The following AUTS2 variants were observed in gnomAD, a reference collection of about 807,000 sequenced individuals.
The protein encoded by AUTS2 is autism susceptibility gene 2 protein.
Under a neutral mutation model 112.4 loss-of-function variants are expected in AUTS2, and 17 were observed. The observed-to-expected ratio is 0.15, with a 90% CI of 0.10 to 0.23. The LOEUF (loss-of-function observed/expected upper bound fraction) is 0.23, where lower values mean the gene tolerates loss of function less well. AUTS2 is among the 10% of genes least tolerant of loss of function. The probability of loss-of-function intolerance (pLI) is 1.00; values close to 1 mark genes in which losing one functional copy is unlikely to be tolerated. For synonymous variants in AUTS2, 751 were observed against 702.7 expected, an observed-to-expected ratio of 1.07 and a Z score of -1.09; for missense variants, 1,510 against 1,701.6, an observed-to-expected ratio of 0.89 and a Z score of 1.98.
At chr7:70,727,788 C>T (rs1787124789) in intron 6 of AUTS2, among the ~76,000 whole-genome samples, 2 of 152,182 alleles carry the variant, frequency 1.3e-5, no homozygotes, top group Non-Finnish European at 2.9e-5. Flanking sequence ...CCTGACCTAA[C>T]AAGTTAAAAT....
intron 4 of AUTS2, among the ~76,000 whole-genome samples, chr7:70,179,112 C>T (rs1425165611): frequency 6.6e-6 from 1 of 151,496 alleles, no homozygotes; most frequent in Admixed American, 6.6e-5. Flanking sequence ...TCTCCATCTC[C>T]CTGTGGCATT....
rs543742759 is a variant in AUTS2 at position 69,631,373 on chromosome 7, A to C, written c.309+31411A>C. Among the ~76,000 whole-genome samples the C allele has an allele frequency of 7.2e-5, 11 of 152,314 alleles. No individual in the cohort carries two copies. The East Asian group carries it at 1.9e-3, about 27-fold the overall frequency. On this transcript the variant is annotated intron_variant, in intron 1 of 18. Coordinates refer to ENST00000342771, the MANE Select transcript of AUTS2 (RefSeq NM_015570.4). Reference sequence around the variant, plus strand: ...GAGGACTGTACCTGTTTTCTGTCCTACTTAAAATATTTAAAAAGAAGAAAA... The same window carrying C: ...GAGGACTGTACCTGTTTTCTGTCCTCCTTAAAATATTTAAAAAGAAGAAAA...
intron 4 of AUTS2, among the ~76,000 whole-genome samples, chr7:70,243,942 C>G (rs775562265): frequency 2.6e-5 from 4 of 151,132 alleles, no homozygotes; most frequent in Non-Finnish European, 5.9e-5. Flanking sequence ...ATTACTATAA[C>G]TATAATAGTA....
At chr7:69,955,741 G>A (rs1208031044) in intron 2 of AUTS2, among the ~76,000 whole-genome samples, 2 of 152,114 alleles carry the variant, frequency 1.3e-5, no homozygotes, top group East Asian at 3.9e-4. Context: ...TCCGTGGCAT[G>A]GGCAGGGGGC....
chr7:70,625,070 C>T (rs1350172209), intron 5 of AUTS2, among the ~76,000 whole-genome samples: 3 of 152,052 alleles, frequency 2.0e-5, no homozygotes, highest in Non-Finnish European at 4.4e-5. Flanking sequence ...TCTCTGTGGT[C>T]CTTGGCTTAT....
chr7:69,750,944 A>G (rs907298463), intron 1 of AUTS2, among the ~76,000 whole-genome samples: 3 of 152,096 alleles, frequency 2.0e-5, no homozygotes, highest in East Asian at 1.9e-4. Flanking sequence ...CATCAGAGGT[A>G]TGGAAGAAGA....
intron 5 of AUTS2, among the ~76,000 whole-genome samples, chr7:70,536,571 G>GA (rs1800325804): frequency 2.5e-5 from 2 of 79,656 alleles, no homozygotes; most frequent in Non-Finnish European, 2.5e-5. Flanking sequence ...AGAAGCCAAG[G>GA]CTTTTTTTTT....
intron 1 of AUTS2, among the ~76,000 whole-genome samples, chr7:69,629,353 A>G (rs1457087973): frequency 1.3e-5 from 2 of 152,206 alleles, no homozygotes; most frequent in Non-Finnish European, 2.9e-5. Context: ...TGTTTTGAAC[A>G]TAATGCTTAT....
At chr7:70,070,199 T>G (rs1488986471) in intron 2 of AUTS2, among the ~76,000 whole-genome samples, 1 of 152,002 alleles carries the variant, frequency 6.6e-6, no homozygotes, top group Non-Finnish European at 1.5e-5. Flanking sequence ...GAGATTTGGG[T>G]TGCTTGTACT....
intron 1 of AUTS2, among the ~76,000 whole-genome samples, chr7:69,749,945 T>A (rs1787664664): frequency 6.6e-6 from 1 of 152,168 alleles, no homozygotes; most frequent in Non-Finnish European, 1.5e-5. Context: ...ATTCTTTGAA[T>A]TGGGCTGTAG....
intron 3 of AUTS2, among the ~76,000 whole-genome samples, chr7:70,131,726 A>G (rs1200978125): frequency 6.6e-6 from 1 of 152,068 alleles, no homozygotes; most frequent in Non-Finnish European, 1.5e-5. Flanking sequence ...TTTAGATTAT[A>G]AATATATGAC....
intron 4 of AUTS2, among the ~76,000 whole-genome samples, chr7:70,299,856 A>T (rs987609895): frequency 6.0e-5 from 9 of 150,586 alleles, no homozygotes; most frequent in Admixed American, 2.6e-4. Context: ...TTTCTGTTTG[A>T]TAATAGGGAT....
intron 2 of AUTS2, among the ~76,000 whole-genome samples, chr7:69,998,502 G>C (rs1002373906): frequency 6.6e-6 from 1 of 152,200 alleles, no homozygotes; most frequent in East Asian, 1.9e-4. Context: ...GCTTAAAGGT[G>C]CCTGGTTCTG....
chr7:69,842,252 T>A (rs1195999576), intron 1 of AUTS2, among the ~76,000 whole-genome samples: 2 of 152,088 alleles, frequency 1.3e-5, no homozygotes, highest in Admixed American at 6.5e-5. Context: ...TGGATTTTTT[T>A]AAAAAAAGAC....
At chr7:70,310,466 A>G (rs1022693738) in intron 4 of AUTS2, among the ~76,000 whole-genome samples, 1 of 152,110 alleles carries the variant, frequency 6.6e-6, no homozygotes, top group Non-Finnish European at 1.5e-5. Context: ...CAAAAAAATT[A>G]GCTGGGCGTG....
intron 1 of AUTS2, among the ~76,000 whole-genome samples, chr7:69,752,381 C>T (rs1056602647): frequency 2.0e-5 from 3 of 152,136 alleles, no homozygotes; most frequent in African/African-American, 7.2e-5. Flanking sequence ...GCTTGCTGAG[C>T]CAGGAATAAT....
chr7:69,687,635 T>TTA (rs1224426728), intron 1 of AUTS2, among the ~76,000 whole-genome samples: 1 of 152,206 alleles, frequency 6.6e-6, no homozygotes, highest in African/African-American at 2.4e-5. Context: ...AGGTAAATGA[T>TTA]ATTAGACATT....
chr7:69,705,246 T>G (rs1798012726), intron 1 of AUTS2, among the ~76,000 whole-genome samples: 1 of 152,202 alleles, frequency 6.6e-6, no homozygotes, highest in African/African-American at 2.4e-5. Context: ...TAGGTATTCC[T>G]AACAATGTGC....
chr7:70,645,134 C>T (rs1447639162), intron 5 of AUTS2, among the ~76,000 whole-genome samples: 1 of 152,168 alleles, frequency 6.6e-6, no homozygotes, highest in Non-Finnish European at 1.5e-5. Context: ...AAGCGTTCTT[C>T]ACCCAAAGGG....
Sources: gnomAD v4.1 joint callset for allele counts (sites outside exome capture counted in the v4.1 genomes callset) on GRCh38, gnomAD v4.1.1 for gene constraint, MANE v1.5 for transcripts, NCBI Gene and HGNC (gene_info 2026-07-23, HGNC 2026-07-21) for gene names.